The following FAAH2 variants were observed in gnomAD, a reference collection of about 807,000 sequenced individuals.
The protein encoded by FAAH2 is fatty-acid amide hydrolase 2.
A neutral mutation model predicts 36.9 loss-of-function variants in FAAH2; 60 were observed. The observed-to-expected ratio is 1.63, with a 90% confidence interval of 1.32 to 2.02. The LOEUF (loss-of-function observed/expected upper bound fraction) is 2.02. FAAH2 is among the 30% of genes most tolerant of loss of function. The pLI is 0.00. For synonymous variants in FAAH2, 214 were observed against 143.8 expected, an observed-to-expected ratio of 1.49 and a Z score of -3.49; for missense variants, 689 against 397.5, an observed-to-expected ratio of 1.73 and a Z score of -6.23.
intron 10 of FAAH2, among the ~76,000 whole-genome samples, chrX:57,468,182 C>T (rs1334163089): frequency 9.0e-6 from 1 of 111,501 alleles, no homozygotes; most frequent in African/African-American, 3.3e-5. Flanking sequence ...TTCTAAAAAT[C>T]AGAGCACCTC....
intron 7 of FAAH2, among the ~76,000 whole-genome samples, chrX:57,406,987 G>A (rs2055582432): frequency 8.9e-6 from 1 of 112,477 alleles, no homozygotes; most frequent in Non-Finnish European, 1.9e-5. Context: ...CACTAGTGCT[G>A]CCCATCCACT....
intron 3 of FAAH2, among the ~76,000 whole-genome samples, chrX:57,310,984 G>A (rs957642787): frequency 3.6e-5 from 4 of 111,701 alleles, no homozygotes; most frequent in Non-Finnish European, 7.5e-5. Flanking sequence ...TATAAGAATA[G>A]TATTATTGAT....
chrX:57,429,919 A>T (rs900871427), intron 7 of FAAH2, among the ~76,000 whole-genome samples: 1 of 110,955 alleles, frequency 9.0e-6, no homozygotes, highest in Non-Finnish European at 1.9e-5. Context: ...GTCTTAAGTG[A>T]ATGGTTTGGA....
At chrX:57,160,010 C>A in the FAAH2 span, among the ~76,000 whole-genome samples, 2 of 111,809 alleles carry the variant, frequency 1.8e-5, no homozygotes, top group Non-Finnish European at 3.8e-5. Flanking sequence ...GAGATACGTC[C>A]CATCAATACC....
At chrX:57,258,064 A>G in the FAAH2 span, among the ~76,000 whole-genome samples, 2 of 112,011 alleles carry the variant, frequency 1.8e-5, no homozygotes, top group African/African-American at 6.5e-5. Flanking sequence ...AATTATAGTA[A>G]TCAAAACAGC....
Position 57,448,683 on chromosome X carries a change from T to A in FAAH2, c.1388T>A (p.Val463Asp), listed in dbSNP as rs1185280438. 8.3e-7 allele frequency: 1 copy of A among 1,211,315 alleles called. No homozygotes were observed. The highest frequency in any genetic ancestry group is 1.8e-5 in the South Asian group (1 of 56,862). Reference protein sequence around the residue: ...SHPTVAPKHHVPLTRPFNFAY... With the variant: ...SHPTVAPKHHDPLTRPFNFAY... The stretch of plus-strand genomic sequence containing the variant: ...CCCACAGTGGCACCTAAGCATCATG[T>A]CCCTCTAACACGGCCTTTCAACTTT... The change falls in exon 10 of 11, where the codon GTC becomes GAC. Residue 463 changes from valine (V) to aspartate (D), a missense_variant. Transcript: ENST00000374900.
chrX:57,130,251 C>A, the FAAH2 span, among the ~76,000 whole-genome samples: 1 of 112,131 alleles, frequency 8.9e-6, no homozygotes, highest in African/African-American at 3.2e-5. Flanking sequence ...AGCAGGAGGG[C>A]GGCATTATCT....
chrX:57,438,218 T>C (rs28827315), intron 8 of FAAH2, among the ~76,000 whole-genome samples: 23,285 of 93,334 alleles, frequency 0.25, 2,457 homozygotes, highest in Middle Eastern at 0.61. Context: ...TCACTATATA[T>C]ATATCAGTAT....
chrX:57,291,018 A>G (rs1488695064), intron 1 of FAAH2, among the ~76,000 whole-genome samples: 3 of 112,297 alleles, frequency 2.7e-5, no homozygotes, highest in Non-Finnish European at 5.6e-5. Flanking sequence ...CTCTAAAACC[A>G]TTTGGGATTT....
chrX:57,299,711 C>T (rs1377678736), intron 2 of FAAH2, among the ~76,000 whole-genome samples: 26 of 111,354 alleles, frequency 2.3e-4, no homozygotes, highest in South Asian at 3.8e-4. Flanking sequence ...AAAACCCCAT[C>T]ATCTCAGCCC....
chrX:57,410,202 T>C (rs1304484245), intron 7 of FAAH2, among the ~76,000 whole-genome samples: 1 of 111,746 alleles, frequency 8.9e-6, no homozygotes, highest in African/African-American at 3.2e-5. Context: ...ATTTTTAGTT[T>C]CATAACATTG....
At chrX:57,371,678 G>A (rs1265819149) in intron 5 of FAAH2, among the ~76,000 whole-genome samples, 1 of 109,895 alleles carries the variant, frequency 9.1e-6, no homozygotes, top group African/African-American at 3.3e-5. Flanking sequence ...AGAAACAGGG[G>A]ATACATGTGC....
At chrX:57,167,196 A>G in the FAAH2 span, among the ~76,000 whole-genome samples, 1 of 111,520 alleles carries the variant, frequency 9.0e-6, no homozygotes, top group Non-Finnish European at 1.9e-5. Flanking sequence ...GATTTCTCTG[A>G]CCACACTTAT....
chrX:57,183,509 G>A, the FAAH2 span, among the ~76,000 whole-genome samples: 1 of 111,670 alleles, frequency 9.0e-6, no homozygotes, highest in Admixed American at 9.5e-5. Context: ...CTCAAATGGA[G>A]GGACCAGCTG....
chrX:57,168,902 C>T, the FAAH2 span, among the ~76,000 whole-genome samples: 1 of 112,217 alleles, frequency 8.9e-6, no homozygotes, highest in Non-Finnish European at 1.9e-5. Flanking sequence ...TATATCCATC[C>T]ATATTAGTCT....
the FAAH2 span, among the ~76,000 whole-genome samples, chrX:57,147,836 G>A: frequency 1.8e-5 from 2 of 111,862 alleles, no homozygotes; most frequent in Middle Eastern, 4.6e-3. Context: ...TCAGGAGCAG[G>A]TTATTTGATT....
chrX:57,194,485 A>T, the FAAH2 span, among the ~76,000 whole-genome samples: 2 of 110,193 alleles, frequency 1.8e-5, no homozygotes, highest in Non-Finnish European at 3.8e-5. Flanking sequence ...TAATTTATTC[A>T]TTTCAATTTT....
intron 7 of FAAH2, among the ~76,000 whole-genome samples, chrX:57,415,655 AT>A (rs973765239): frequency 8.1e-5 from 9 of 111,392 alleles, no homozygotes; most frequent in Non-Finnish European, 1.3e-4. Context: ...TTATGTGGTC[AT>A]TTTTAGAATA....
chrX:57,341,314 T>C lies in FAAH2; in HGVS notation c.666T>C (p.Gly222=). ...TGGCAGCTGCCTGCTCAGTTATTGG[T>C]GTGGGCTCTGATATTGGTGGTAGCA... ...CTLAAACSVI[G]VGSDIGGSIR... Residue 222 remains glycine, a synonymous_variant, in exon 5 of 11, where the codon GGT becomes GGC. Transcript: ENST00000374900. The C allele has an allele frequency of 8.3e-7, 1 of 1,210,181 alleles. No individual in the cohort carries two copies.
Sources: allele counts gnomAD v4.1 joint callset (sites outside exome capture counted in the v4.1 genomes callset), GRCh38; gene constraint gnomAD v4.1.1; transcripts MANE v1.5; gene names NCBI Gene and HGNC (gene_info 2026-07-23, HGNC 2026-07-21).